PDZK1: variants seen among roughly 807,000 people sequenced by gnomAD.
The protein encoded by PDZK1 is PDZ domain containing 1, also known as Na(+)/H(+) exchange regulatory cofactor NHE-RF3.
A neutral mutation model predicts 38.1 loss-of-function variants in PDZK1; 23 were observed. The observed-to-expected ratio is 0.60, with a 90% CI of 0.43 to 0.85. PDZK1 has a LOEUF of 0.85. Ranked by LOEUF, PDZK1 falls within the 40% of genes least tolerant of loss-of-function variation. The pLI is 0.00. For missense variants in PDZK1, 297 were observed against 504.3 expected (o/e 0.59, Z 3.94); for synonymous variants, 98 against 186.2 (o/e 0.53, Z 3.86).
At chr1:145,693,250 A>G (rs1417490888) in intron 1 of PDZK1, among the ~76,000 whole-genome samples, 1 of 152,216 alleles carries the variant, frequency 6.6e-6, no homozygotes, top group Non-Finnish European at 1.5e-5. Flanking sequence ...GTAACTCTGT[A>G]GACCGTGTCA....
chr1:145,692,218 TG>T (rs1415787825), intron 1 of PDZK1, among the ~76,000 whole-genome samples: 1 of 152,096 alleles, frequency 6.6e-6, no homozygotes, highest in Non-Finnish European at 1.5e-5. Context: ...AAATAGCTGG[TG>T]GGACCTAGGG....
intron 1 of PDZK1, among the ~76,000 whole-genome samples, chr1:145,692,395 G>A (rs1655289709): frequency 6.6e-6 from 1 of 152,194 alleles, no homozygotes; most frequent in Non-Finnish European, 1.5e-5. Flanking sequence ...TAACTCCTAT[G>A]AGCTTCCAGG....
At chr1:145,705,578 A>G (rs1284110306) in intron 1 of PDZK1, among the ~76,000 whole-genome samples, 2 of 152,202 alleles carry the variant, frequency 1.3e-5, no homozygotes, top group Non-Finnish European at 2.9e-5. Context: ...GACATTAATG[A>G]TGATCTGGTC....
In PDZK1 at chr1:145,686,720, C is replaced by T. The variant is rs782497185; in HGVS notation, c.217G>A (p.Asp73Asn). 36 of 1,503,842 alleles carry T rather than the reference C, an allele frequency of 2.4e-5. No homozygotes were observed. The highest frequency in any genetic ancestry group is 3.3e-5 in the Non-Finnish European group (36 of 1,091,630). The allele number at this position is 1,503,842 out of a possible 1,614,324, so 93.2% of individuals were successfully genotyped here. Reference protein sequence around the residue: ...VDKEEHMQVVDLVRKSGNSVT... With the variant: ...VDKEEHMQVVNLVRKSGNSVT... The stretch of plus-strand genomic sequence containing the variant: ...GAATTCCCACTCTTTCTGACCAGAT[C>T]CACAACCTAGGAGGGAAGAAGAAAA... Residue 73 changes from aspartate to asparagine, a missense_variant, in exon 3 of 9, where the codon GAT becomes AAT. This residue lies in a region of PDZK1 where 159 missense variants were observed against 200.0 expected (regional missense o/e 0.79). Transcript: ENST00000417171.
At chr1:145,683,928 C>G (rs1654502351) in intron 3 of PDZK1, among the ~76,000 whole-genome samples, 2 of 151,598 alleles carry the variant, frequency 1.3e-5, no homozygotes, top group Non-Finnish European at 2.9e-5. Flanking sequence ...CTCACAGCAA[C>G]CTCTGCCTCC....
At chr1:145,689,114 C>A (rs1203784748) in intron 1 of PDZK1, among the ~76,000 whole-genome samples, 1 of 152,136 alleles carries the variant, frequency 6.6e-6, no homozygotes, top group African/African-American at 2.4e-5. Context: ...CCCTCCCAGA[C>A]GCTTTGTCAC....
intron 6 of PDZK1, among the ~76,000 whole-genome samples, chr1:145,677,191 G>T (rs1183746088): frequency 1.3e-5 from 2 of 152,096 alleles, no homozygotes; most frequent in Non-Finnish European, 2.9e-5. Flanking sequence ...TGAAGTTTCT[G>T]GTCTTTTTCT....
rs587651867 is a variant in PDZK1, at chr1:145,680,051, A to G, written c.793+861T>C. Among the ~76,000 whole-genome samples, 786 of 152,158 alleles carry G rather than the reference A, an allele frequency of 5.2e-3. 4 individuals carry two copies. In the Middle Eastern group the frequency reaches 0.058, roughly 11 times the overall value. The stretch of plus-strand genomic sequence containing the variant: ...CCTGAACTCAAGTGCCACCCCTACT[A>G]TGAGGGCTTCTGGTACCTTTTTAGT... On this transcript the variant is annotated intron_variant, in intron 5 of 8. Transcript: ENST00000417171.
At chr1:145,688,093 C>T in intron 1 of PDZK1, 70 bp from the exon 2 acceptor site, 6 of 1,278,596 alleles carry the variant, frequency 4.7e-6, no homozygotes, top group Non-Finnish European at 6.8e-6. Context: ...ACCCCATCCT[C>T]CATCTCCTAT....
chr1:145,686,417 C>G (rs1485211924), intron 3 of PDZK1, 60 bp downstream of exon 3: 3 of 1,525,646 alleles, frequency 2.0e-6, no homozygotes, highest in Non-Finnish European at 2.7e-6. Context: ...CATCTTTGTT[C>G]TGGAAGCCTG....
chr1:145,671,426 C>T lies in PDZK1; in HGVS notation c.*10G>A, dbSNP rs1653021031. On this transcript the variant is annotated 3_prime_UTR_variant, in exon 9 of 9. Transcript: ENST00000417171. ...ATCAAATAAACAGCCAAAGCTATTA[C>T]TTGTTTTCATCACATCTCTGTATCT... 2 of 1,576,464 alleles carry T rather than the reference C, an allele frequency of 1.3e-6. No homozygotes were observed. The highest frequency in any genetic ancestry group is 2.3e-5 in the South Asian group (2 of 88,400).
intron 3 of PDZK1, among the ~76,000 whole-genome samples, chr1:145,686,037 ACTAT>A (rs1312775091): frequency 6.6e-6 from 1 of 152,192 alleles, no homozygotes; most frequent in Non-Finnish European, 1.5e-5. Context: ...TAAATGAATG[ACTAT>A]CTGGGCACTC....
At chr1:145,679,190 T>G (rs1299586292) in intron 5 of PDZK1, among the ~76,000 whole-genome samples, 2 of 151,156 alleles carry the variant, frequency 1.3e-5, no homozygotes, top group Non-Finnish European at 2.9e-5. Context: ...TTTTAACAAG[T>G]TCCTGTTTCA....
At chr1:145,699,536 G>C (rs1655835008) in intron 1 of PDZK1, among the ~76,000 whole-genome samples, 1 of 152,162 alleles carries the variant, frequency 6.6e-6, no homozygotes, top group Non-Finnish European at 1.5e-5. Flanking sequence ...TAGGAGTTTG[G>C]GATTGGGAAG....
At chr1:145,690,202 T>C (rs1252806080) in intron 1 of PDZK1, among the ~76,000 whole-genome samples, 1 of 152,092 alleles carries the variant, frequency 6.6e-6, no homozygotes, top group African/African-American at 2.4e-5. Context: ...TTGTGGCCCA[T>C]TCCAGCTCCC....
chr1:145,697,648 A>T (rs1301826804), intron 1 of PDZK1, among the ~76,000 whole-genome samples: 1 of 151,432 alleles, frequency 6.6e-6, no homozygotes, highest in African/African-American at 2.4e-5. Flanking sequence ...CCCAGGCTGG[A>T]GTGCAGTGGT....
intron 6 of PDZK1, among the ~76,000 whole-genome samples, chr1:145,674,494 A>G (rs1346074053): frequency 1.3e-5 from 2 of 152,216 alleles, no homozygotes; most frequent in Admixed American, 6.5e-5. Context: ...AGTGAACTAC[A>G]GAAAAGGCAA....
rs376551266 is a variant in PDZK1 at position 145,672,791 on chromosome 1, G to A, written c.1445C>T (p.Pro482Leu). The change falls in exon 8 of 9, where the codon CCA becomes CTA. Residue 482 changes from proline (P) to leucine (L), a missense_variant. By Grantham distance (98) the Pro-to-Leu change is moderately conservative. This residue lies in a region of PDZK1 where 54 missense variants were observed against 72.1 expected (regional missense o/e 0.75). Coordinates refer to ENST00000417171, the MANE Select transcript of PDZK1 (RefSeq NM_001201325.2). ...CACCACTATTCCTTCTTTAGAATCT[G>A]GAGGGGTGTCAAGTGGATCAGCCAG... The part of the protein sequence containing the change: ...SSLADPLDTP[P>L]DSKEGIVVES... 201 of 1,611,810 alleles carry A rather than the reference G, an allele frequency of 1.2e-4. No individual in the cohort carries two copies. The highest frequency in any genetic ancestry group is 1.6e-4 in the Non-Finnish European group (194 of 1,179,788).
intron 5 of PDZK1, among the ~76,000 whole-genome samples, 175 bp from the exon 6 acceptor site, chr1:145,678,820 C>G (rs1373062387): frequency 1.4e-5 from 2 of 142,728 alleles, no homozygotes; most frequent in Non-Finnish European, 3.1e-5. Flanking sequence ...TATCTAGGCT[C>G]GTTTCCTGCT....
Sources: gnomAD v4.1 joint callset for allele counts (sites outside exome capture counted in the v4.1 genomes callset) on GRCh38, gnomAD v4.1.1 for gene constraint, gnomAD v4.1.1 regional missense constraint, MANE v1.5 for transcripts, NCBI Gene and HGNC (gene_info 2026-07-23, HGNC 2026-07-21) for gene names.